Variants in AUTS2 observed in about 807,000 individuals in gnomAD.
AUTS2 encodes the protein autism susceptibility gene 2 protein.
In AUTS2, 17 loss-of-function variants were observed where a neutral mutation model predicts 112.4. The observed-to-expected ratio is 0.15, with a 90% CI of 0.10 to 0.23. The LOEUF (loss-of-function observed/expected upper bound fraction) is 0.23, where lower values mean the gene tolerates loss of function less well. Among genes scored for constraint, AUTS2 ranks in the 10% least tolerant of loss-of-function variants. The pLI, the probability that AUTS2 is intolerant of heterozygous loss-of-function variation, is 1.00. For synonymous variants in AUTS2, 751 were observed against 702.7 expected (o/e 1.07, Z -1.09); for missense variants, 1,510 against 1,701.6 (o/e 0.89, Z 1.98).
intron 4 of AUTS2, among the ~76,000 whole-genome samples, chr7:70,240,268 C>G (rs1158201320): frequency 2.0e-5 from 3 of 152,200 alleles, no homozygotes; most frequent in Non-Finnish European, 4.4e-5. Flanking sequence ...GTAGCTTTGA[C>G]TTTGATGTCA....
At chr7:69,993,007 GTT>G (rs1193609484) in intron 2 of AUTS2, among the ~76,000 whole-genome samples, 1 of 152,168 alleles carries the variant, frequency 6.6e-6, no homozygotes, top group Non-Finnish European at 1.5e-5. Context: ...AATATTATTG[GTT>G]TAAGAGTCAG....
rs768354002 is a variant in AUTS2 at position 70,790,859 on chromosome 7, G to A, written c.3643G>A (p.Ala1215Thr). ...ACTCCTCAACAAGACCCCTCCGACA[G>A]CAGCGCTGAGCGCACCTCCCCCGCT... ...NGLLNKTPPT[A>T]ALSAPPPLIS... Residue 1215 changes from alanine (A) to threonine (T), a missense_variant, in exon 19 of 19, where the codon GCA becomes ACA. Coordinates refer to ENST00000342771, the MANE Select transcript of AUTS2 (RefSeq NM_015570.4). This position sits in a 1 kb window ranked among gnomAD's most constrained non-coding sequence, Gnocchi z 7.6. 3.1e-6 allele frequency: 5 copies of A among 1,605,994 alleles called. No individual in the cohort carries two copies. Among genetic ancestry groups the A allele is most frequent in the Non-Finnish European group, 4.3e-6 (5 of 1,176,028 alleles).
rs78022221 is a variant in AUTS2 at position 69,742,849 on chromosome 7, C to T, written c.309+142887C>T. Among the ~76,000 whole-genome samples the T allele has an allele frequency of 6.6e-3, 1,000 of 152,252 alleles. 6 individuals are homozygous for T. The highest frequency in any genetic ancestry group is 0.012 in the Non-Finnish European group (796 of 67,996). On this transcript the variant is annotated intron_variant, in intron 1 of 18. Transcript: ENST00000342771. The stretch of plus-strand genomic sequence containing the variant: ...GTGGTAATTATTTGTTGCCTGTAAA[C>T]CACTTTTATGACTTTTATGTAGAGA...
chr7:70,168,066 A>G (rs574491205), intron 4 of AUTS2, among the ~76,000 whole-genome samples: 1 of 152,362 alleles, frequency 6.6e-6, no homozygotes, highest in South Asian at 2.1e-4. Flanking sequence ...AATTCCTTGA[A>G]CTTGACAACT....
At chr7:70,412,912 A>AC (rs1794835221) in intron 4 of AUTS2, among the ~76,000 whole-genome samples, 1 of 152,050 alleles carries the variant, frequency 6.6e-6, no homozygotes. Context: ...AATCGCTTGA[A>AC]CCCGGGGGTC....
At chr7:70,633,075 G>A (rs933503020) in intron 5 of AUTS2, among the ~76,000 whole-genome samples, 10 of 152,154 alleles carry the variant, frequency 6.6e-5, no homozygotes, top group African/African-American at 2.4e-4. Flanking sequence ...TGCCCCATGG[G>A]GTAGAGGGCA....
chr7:70,739,832 C>T (rs1485964537), intron 6 of AUTS2, among the ~76,000 whole-genome samples: 1 of 150,368 alleles, frequency 6.7e-6, no homozygotes, highest in Non-Finnish European at 1.5e-5. Flanking sequence ...AAAAAGTCTT[C>T]CTTACGTTAG....
At chr7:70,033,228 G>A (rs1584610596) in intron 2 of AUTS2, among the ~76,000 whole-genome samples, 1 of 152,058 alleles carries the variant, frequency 6.6e-6, no homozygotes, top group Non-Finnish European at 1.5e-5. Flanking sequence ...TTTTTAAAAA[G>A]GTATTAAGTT....
intron 2 of AUTS2, among the ~76,000 whole-genome samples, chr7:70,039,412 A>C (rs1373474132): frequency 6.6e-6 from 1 of 151,966 alleles, no homozygotes; most frequent in East Asian, 1.9e-4. Context: ...GCCCAGGCTC[A>C]AGTGCAGTGG....
At chr7:70,004,098 A>G (rs1236947735) in intron 2 of AUTS2, among the ~76,000 whole-genome samples, 1 of 131,010 alleles carries the variant, frequency 7.6e-6, no homozygotes, top group East Asian at 2.1e-4. Flanking sequence ...ATGTGAATAT[A>G]TATAATATAT....
rs1792211832 is a variant in AUTS2, at chr7:69,599,060, G to C, written c.-594G>C. The C allele has an allele frequency of 6.6e-6, 1 of 152,100 alleles. No homozygotes were observed. The highest frequency in any genetic ancestry group is 1.5e-5 in the Non-Finnish European group (1 of 68,078). The allele number at this position is 152,100 out of a possible 1,614,324, so 9.4% of individuals were successfully genotyped here. A position where few individuals can be genotyped will look rare whatever the true frequency, so the allele number is the denominator to read the frequency against. ...TAAAAATTTGGGAGCCTGGGAGTGA[G>C]TTTTCTCCGAGGCGTGTGTGAGAGG... On this transcript the variant is annotated 5_prime_UTR_variant, in exon 1 of 19. Transcript: ENST00000342771. The surrounding 1 kb of genome is among the most constrained non-coding windows in gnomAD (Gnocchi z 7.0).
At chr7:69,755,585 G>GCCCCCA (rs1787913517) in intron 1 of AUTS2, among the ~76,000 whole-genome samples, 1 of 152,072 alleles carries the variant, frequency 6.6e-6, no homozygotes, top group Non-Finnish European at 1.5e-5. Flanking sequence ...GAATACTTGA[G>GCCCCCA]GTGTCACAAA....
At chr7:70,491,435 CACATATATACACATAATATATATGTT>C (rs1372888963) in intron 5 of AUTS2, among the ~76,000 whole-genome samples, 18 of 120,114 alleles carry the variant, frequency 1.5e-4, no homozygotes, top group African/African-American at 4.7e-4. Context: ...CACACACACA[CACATATATACACATAATATATATGTT>C]ATATATACAC....
chr7:70,712,796 T>C (rs1810132498), intron 6 of AUTS2, among the ~76,000 whole-genome samples: 1 of 152,184 alleles, frequency 6.6e-6, no homozygotes, highest in East Asian at 1.9e-4. Flanking sequence ...CAGCCTTTTT[T>C]TTGGAGGGGA....
At position 70,768,093 on chromosome 7, in the gene AUTS2, A is replaced by G. The variant is rs755268804; in HGVS notation, c.1734+25A>G. On this transcript the variant is annotated intron_variant, in intron 10 of 18. Coordinates refer to ENST00000342771, the MANE Select transcript of AUTS2 (RefSeq NM_015570.4). ...TGTGAGTTTCATTACCATGCTACAC[A>G]TTGAATGTAACTGCTTTGCCATTTT... The G allele has an allele frequency of 4.4e-6, 7 of 1,586,114 alleles. No homozygotes were observed. The African/African-American group carries it at 5.5e-5, about 12-fold the overall frequency.
At chr7:69,675,647 C>T (rs1477631709) in intron 1 of AUTS2, among the ~76,000 whole-genome samples, 2 of 151,670 alleles carry the variant, frequency 1.3e-5, no homozygotes, top group East Asian at 3.9e-4. Context: ...ACTGGGATTA[C>T]AGGTGTGCGC....
intron 4 of AUTS2, among the ~76,000 whole-genome samples, chr7:70,153,848 G>T (rs1807590929): frequency 1.3e-5 from 2 of 152,156 alleles, no homozygotes; most frequent in Non-Finnish European, 2.9e-5. Flanking sequence ...AGGCAAATAT[G>T]TCCTGTTTTA....
At position 70,348,986 on chromosome 7, in the gene AUTS2, A is replaced by C. The variant is rs565032306; in HGVS notation, c.661-86766A>C. 2.3e-4 allele frequency among the ~76,000 whole-genome samples: 35 copies of C among 152,372 alleles called. No homozygotes were observed. The South Asian group carries it at 7.0e-3, about 31-fold the overall frequency. ...ATATTAGTCTTAAGAACTTTTTTAA[A>C]TAACAAAAATGACTGAGTTACTAAG... On this transcript the variant is annotated intron_variant, in intron 4 of 18. Transcript: ENST00000342771.
Position 70,345,277 on chromosome 7 carries a change from G to A in AUTS2, c.661-90475G>A, listed in dbSNP as rs114456086. On this transcript the variant is annotated intron_variant, in intron 4 of 18. Coordinates refer to ENST00000342771, the MANE Select transcript of AUTS2 (RefSeq NM_015570.4). The stretch of plus-strand genomic sequence containing the variant: ...GAAAGTCTCCCATACAGTTTTTCCC[G>A]CAAAGTGGCCCTCGAGCCATAACTT... Among the ~76,000 whole-genome samples the A allele has an allele frequency of 4.0e-3, 614 of 152,218 alleles. 7 individuals carry two copies. Among genetic ancestry groups the A allele is most frequent in the African/African-American group, 0.014 (578 of 41,538 alleles).
Sources: allele counts gnomAD v4.1 joint callset (sites outside exome capture counted in the v4.1 genomes callset), GRCh38; gene constraint gnomAD v4.1.1; non-coding constraint Gnocchi (gnomAD v3.1); transcripts MANE v1.5; gene names NCBI Gene and HGNC (gene_info 2026-07-23, HGNC 2026-07-21).